The following NEGR1 variants were observed in gnomAD, a reference collection of about 807,000 sequenced individuals.
NEGR1 encodes IgLON family member 4.
A neutral mutation model predicts 40.9 loss-of-function variants in NEGR1; 10 were observed. That is an observed-to-expected ratio of 0.24 (90% CI 0.15 to 0.42). The LOEUF (loss-of-function observed/expected upper bound fraction) is 0.42. Ranked by LOEUF, NEGR1 falls within the 10% of genes least tolerant of loss-of-function variation. The pLI is 1.00. For missense variants in NEGR1, 352 were observed against 438.9 expected (o/e 0.80, Z 1.77); for synonymous variants, 185 against 166.8 (o/e 1.11, Z -0.84).
rs137934090 is a variant in NEGR1, at chr1:71,869,309, G to T, written c.409+65770C>A. On this transcript the variant is annotated intron_variant, in intron 2 of 6. Coordinates refer to ENST00000357731, the MANE Select transcript of NEGR1 (RefSeq NM_173808.3). ...CTTTGATTATATAGAGAGCTAAACTGATAAATATAGACAAATATAGTGAGC... is the reference window on the plus strand; with the variant it reads ...CTTTGATTATATAGAGAGCTAAACTTATAAATATAGACAAATATAGTGAGC... 3.0e-4 allele frequency among the ~76,000 whole-genome samples: 45 copies of T among 152,122 alleles called. 1 individual carries two copies. In the East Asian group the frequency reaches 8.5e-3, roughly 29 times the overall value.
chr1:71,803,942 T>G (rs112935821), intron 2 of NEGR1, among the ~76,000 whole-genome samples: 2,605 of 152,260 alleles, frequency 0.017, 63 homozygotes, highest in African/African-American at 0.059. Flanking sequence ...TATTTATATT[T>G]TCTTCTCTGC....
intron 1 of NEGR1, among the ~76,000 whole-genome samples, chr1:71,992,781 T>A (rs1452544206): frequency 6.6e-6 from 1 of 152,212 alleles, no homozygotes; most frequent in African/African-American, 2.4e-5. Context: ...ACAGCAGCTC[T>A]GAATGAAATC....
intron 1 of NEGR1, among the ~76,000 whole-genome samples, chr1:72,216,392 T>TATATATAC (rs1452134740): frequency 1.4e-5 from 2 of 140,816 alleles, no homozygotes; most frequent in African/African-American, 5.7e-5. Flanking sequence ...TACATATATA[T>TATATATAC]ATATATATAC....
At chr1:71,651,490 C>T (rs1196519539) in intron 4 of NEGR1, among the ~76,000 whole-genome samples, 2 of 152,070 alleles carry the variant, frequency 1.3e-5, no homozygotes, top group African/African-American at 4.8e-5. Context: ...ATTGCATGTG[C>T]CCATTAAAAC....
chr1:71,547,409 G>A (rs1647935038), intron 6 of NEGR1, among the ~76,000 whole-genome samples: 1 of 151,756 alleles, frequency 6.6e-6, no homozygotes, highest in Non-Finnish European at 1.5e-5. Context: ...GAGTGAAAAA[G>A]GGATAGGCTG....
chr1:71,418,657 ATAACT>A (rs1485656944), intron 6 of NEGR1, among the ~76,000 whole-genome samples: 1 of 152,062 alleles, frequency 6.6e-6, no homozygotes, highest in African/African-American at 2.4e-5. Context: ...AAGAAATGTA[ATAACT>A]TAAGAAGAAA....
intron 3 of NEGR1, among the ~76,000 whole-genome samples, chr1:71,720,271 C>T (rs114678272): frequency 1.6e-3 from 245 of 152,186 alleles, no homozygotes; most frequent in Non-Finnish European, 2.8e-3. Flanking sequence ...TGAAACAAAT[C>T]GATTGACTCT....
chr1:71,560,429 T>TATATATATATA (rs1648410237), intron 6 of NEGR1, among the ~76,000 whole-genome samples: 1 of 114,266 alleles, frequency 8.8e-6, no homozygotes, highest in Non-Finnish European at 1.8e-5. Flanking sequence ...TAATTCTCCA[T>TATATATATATA]TATATATATA....
intron 3 of NEGR1, among the ~76,000 whole-genome samples, chr1:71,704,042 A>G (rs917040610): frequency 6.6e-6 from 1 of 151,986 alleles, no homozygotes; most frequent in Non-Finnish European, 1.5e-5. Flanking sequence ...GAAAATCTAA[A>G]AAGGAGCCAG....
intron 1 of NEGR1, among the ~76,000 whole-genome samples, chr1:72,220,269 TC>T (rs1653968234): frequency 6.6e-6 from 1 of 151,866 alleles, no homozygotes; most frequent in Non-Finnish European, 1.5e-5. Flanking sequence ...TCTCTCTCTC[TC>T]CCCCTTTTTA....
At chr1:71,616,425 G>A (rs934011474) in intron 4 of NEGR1, among the ~76,000 whole-genome samples, 4 of 152,240 alleles carry the variant, frequency 2.6e-5, no homozygotes, top group African/African-American at 9.6e-5. Flanking sequence ...AGGTGGAGCT[G>A]AGGCAGTGTT....
intron 4 of NEGR1, among the ~76,000 whole-genome samples, chr1:71,627,370 A>C (rs928769997): frequency 6.6e-6 from 1 of 152,094 alleles, no homozygotes; most frequent in Admixed American, 6.6e-5. Flanking sequence ...CTAGGCATTA[A>C]AATACTATAT....
chr1:72,022,300 T>TATATAC (rs1553131367), intron 1 of NEGR1, among the ~76,000 whole-genome samples: 5 of 116,902 alleles, frequency 4.3e-5, no homozygotes, highest in African/African-American at 1.5e-4. Flanking sequence ...TATATATATA[T>TATATAC]ACACGAATAT....
intron 1 of NEGR1, among the ~76,000 whole-genome samples, chr1:71,952,559 T>G (rs2801330): frequency 0.037 from 5,572 of 152,122 alleles, 345 homozygotes; most frequent in African/African-American, 0.13. Flanking sequence ...AGGCAGCAAA[T>G]GCTGATATAG....
At chr1:71,834,408 C>A (rs137981809) in intron 2 of NEGR1, among the ~76,000 whole-genome samples, 109 of 152,106 alleles carry the variant, frequency 7.2e-4, no homozygotes, top group African/African-American at 2.5e-3. Flanking sequence ...CATGGAGGAC[C>A]TGAAGAGATA....
chr1:72,095,575 C>G (rs935705812), intron 1 of NEGR1, among the ~76,000 whole-genome samples: 1 of 152,024 alleles, frequency 6.6e-6, no homozygotes, highest in Non-Finnish European at 1.5e-5. Flanking sequence ...TTTTAAATGC[C>G]AAGTTTCCCA....
In NEGR1 at chr1:72,164,132, G is replaced by C. The variant is rs1651689291; in HGVS notation, c.176+118187C>G. Among the ~76,000 whole-genome samples, 3 of 151,936 alleles carry C rather than the reference G, an allele frequency of 2.0e-5. No homozygotes were observed. In the South Asian group the frequency reaches 6.2e-4, roughly 32 times the overall value. On this transcript the variant is annotated intron_variant, in intron 1 of 6. Coordinates refer to ENST00000357731, the MANE Select transcript of NEGR1 (RefSeq NM_173808.3). ...AAGTATGCAGACTATGGAAACAAAA[G>C]TTCCTTCAGCTTTGGGAGGAAATTA...
At chr1:71,566,346 C>T (rs1194775549) in intron 6 of NEGR1, among the ~76,000 whole-genome samples, 2 of 151,758 alleles carry the variant, frequency 1.3e-5, no homozygotes, top group Admixed American at 6.6e-5. Flanking sequence ...TAGTATTTTC[C>T]GTATTTCGTA....
At chr1:71,662,258 T>G (rs1652084946) in intron 4 of NEGR1, among the ~76,000 whole-genome samples, 1 of 152,176 alleles carries the variant, frequency 6.6e-6, no homozygotes, top group Non-Finnish European at 1.5e-5. Flanking sequence ...TGGGAAAGAA[T>G]TAAATAAGCA....
Sources: gnomAD v4.1 joint callset for allele counts (sites outside exome capture counted in the v4.1 genomes callset) on GRCh38, gnomAD v4.1.1 for gene constraint, MANE v1.5 for transcripts, NCBI Gene and HGNC (gene_info 2026-07-23, HGNC 2026-07-21) for gene names.